GIPC3: variants seen among roughly 807,000 people sequenced by gnomAD.
GIPC3 encodes GIPC PDZ domain containing family member 3.
A neutral mutation model predicts 27.3 loss-of-function variants in GIPC3; 16 were observed. The observed-to-expected ratio is 0.59, with a 90% CI of 0.40 to 0.89. The LOEUF is 0.89. GIPC3 is among the 40% of genes least tolerant of loss of function. The pLI is 0.00. For synonymous variants in GIPC3, 194 were observed against 184.6 expected, an observed-to-expected ratio of 1.05 and a Z score of -0.41; for missense variants, 440 against 442.1, an observed-to-expected ratio of 1.00 and a Z score of 0.04.
chr19:3,587,002 G>A lies in GIPC3; in HGVS notation c.592+8G>A, dbSNP rs775534525. The A allele has an allele frequency of 1.9e-6, 3 of 1,609,942 alleles. No homozygotes were observed. The highest frequency in any genetic ancestry group is 1.7e-6 in the Non-Finnish European group (2 of 1,178,840). ...AGCCCAAGAGGGCCTTCGGTGAGGC[G>A]GGTGGGCTGGCGGGAGCTCTTCCCG... On this transcript the variant is annotated splice_region_variant and intron_variant, in intron 3 of 5. Coordinates refer to ENST00000644452, the MANE Select transcript of GIPC3 (RefSeq NM_133261.3).
Position 3,592,123 on chromosome 19 carries a change from T to A in GIPC3, c.*1933T>A, listed in dbSNP as rs562704971. The A allele has an allele frequency of 1.6e-6, 2 of 1,231,734 alleles. No homozygotes were observed. Among genetic ancestry groups the A allele is most frequent in the African/African-American group, 3.1e-5 (2 of 64,288 alleles). 76.3% of individuals were successfully genotyped at this position (1,231,734 alleles called of 1,614,324 possible). ...CAATCTAGTCCTGGGACCCAGGCCA[T>A]CGCAGCAATAGAATTAAGCTCCACA... On this transcript the variant is annotated 3_prime_UTR_variant, in exon 6 of 6. Transcript: ENST00000644452.
Position 3,590,891 on chromosome 19 carries a change from C to G in GIPC3, c.*701C>G, listed in dbSNP as rs548628476. ...CCGAGACCAAGCCCAGCTCTAGAAC[C>G]CAGATGAGCTCTGAGACCATGCCCA... On this transcript the variant is annotated 3_prime_UTR_variant, in exon 6 of 6. Coordinates refer to ENST00000644452, the MANE Select transcript of GIPC3 (RefSeq NM_133261.3). 1.6e-6 allele frequency: 2 copies of G among 1,227,814 alleles called. No individual in the cohort carries two copies. Among genetic ancestry groups the G allele is most frequent in the African/African-American group, 3.2e-5 (2 of 62,060 alleles). 76.1% of individuals were successfully genotyped at this position (1,227,814 alleles called of 1,614,324 possible).
Position 3,590,276 on chromosome 19 carries a change from G to T in GIPC3, c.*86G>T. ...GCTCCAGAACCCAGCCCAGATCGGAGGACAAGTTCCTCTCTAGAACCCAAT... is the reference window on the plus strand; with the variant it reads ...GCTCCAGAACCCAGCCCAGATCGGATGACAAGTTCCTCTCTAGAACCCAAT... On this transcript the variant is annotated 3_prime_UTR_variant, in exon 6 of 6. Transcript: ENST00000644452. 6.6e-7 allele frequency: 1 copy of T among 1,508,876 alleles called. No individual in the cohort carries two copies. The highest frequency in any genetic ancestry group is 1.3e-5 in the South Asian group (1 of 79,850). 93.5% of individuals were successfully genotyped at this position (1,508,876 alleles called of 1,614,324 possible).
Position 3,591,896 on chromosome 19 carries a change from A to G in GIPC3, c.*1706A>G, listed in dbSNP as rs1457547002. 7.3e-6 allele frequency: 9 copies of G among 1,232,176 alleles called. No individual in the cohort carries two copies. Among genetic ancestry groups the G allele is most frequent in the Non-Finnish European group, 9.1e-6 (9 of 988,230 alleles). The allele number at this position is 1,232,176 out of a possible 1,614,324, so 76.3% of individuals were successfully genotyped here. ...CTTGCACAATGCAGCTCAGCTCTAGAATGCAGTTTACTTCCAGGACCCAGA... is the reference window on the plus strand; with the variant it reads ...CTTGCACAATGCAGCTCAGCTCTAGGATGCAGTTTACTTCCAGGACCCAGA... On this transcript the variant is annotated 3_prime_UTR_variant, in exon 6 of 6. Transcript: ENST00000644452.
At position 3,591,176 on chromosome 19, in the gene GIPC3, G is replaced by T; in HGVS notation, c.*986G>T. ...GCTCTGAAACCAATCCCAGCATTGA[G>T]ACCAAGCCCTGTTCTAGAACTCAGG... is the stretch of plus-strand genomic sequence containing the variant. On this transcript the variant is annotated 3_prime_UTR_variant, in exon 6 of 6. Coordinates refer to ENST00000644452, the MANE Select transcript of GIPC3 (RefSeq NM_133261.3). 8.1e-7 allele frequency: 1 copy of T among 1,232,956 alleles called. No homozygotes were observed. Among genetic ancestry groups the T allele is most frequent in the Non-Finnish European group, 1.0e-6 (1 of 988,752 alleles). The allele number at this position is 1,232,956 out of a possible 1,614,324, so 76.4% of individuals were successfully genotyped here.
At chr19:3,586,052 C>T (rs1267336801) in intron 1 of GIPC3, among the ~76,000 whole-genome samples, 1 of 152,182 alleles carries the variant, frequency 6.6e-6, no homozygotes, top group Non-Finnish European at 1.5e-5. Context: ...CTAGCGGACC[C>T]CTAGATATTC....
Position 3,585,662 on chromosome 19 carries a change from C to G in GIPC3, c.65C>G (p.Pro22Arg), listed in dbSNP as rs1379768941. The G allele has an allele frequency of 8.0e-7, 1 of 1,244,106 alleles. No individual in the cohort carries two copies. The highest frequency in any genetic ancestry group is 1.0e-6 in the Non-Finnish European group (1 of 996,454). 77.1% of individuals were successfully genotyped at this position (1,244,106 alleles called of 1,614,324 possible). Residue 22 changes from proline to arginine, a missense_variant, in exon 1 of 6, where the codon CCC (proline) becomes CGC (arginine). Transcript: ENST00000644452. ...ACCCCGCGCGCGTCTGCGCCCCCGC[C>G]CGCGCCCTCGGAGCCCCCGGCCGCG... is the stretch of plus-strand genomic sequence containing the variant. ...TETPRASAPP[P>R]APSEPPAAPR... is the part of the protein sequence containing the mutation.
chr19:3,585,521 G>C lies in GIPC3; in HGVS notation c.-77G>C, dbSNP rs34722692. Reference sequence around the variant, plus strand: ...TCTCGGCTGTCGCGCCCTGGGCCGGGGGAGGGGAGGCTGCAGGAAGCGGCG... The same window carrying C: ...TCTCGGCTGTCGCGCCCTGGGCCGGCGGAGGGGAGGCTGCAGGAAGCGGCG... On this transcript the variant is annotated 5_prime_UTR_variant, in exon 1 of 6. Coordinates refer to ENST00000644452, the MANE Select transcript of GIPC3 (RefSeq NM_133261.3). The C allele has an allele frequency of 1.1e-5, 12 of 1,070,510 alleles. No individual in the cohort carries two copies. Among genetic ancestry groups the C allele is most frequent in the African/African-American group, 1.7e-5 (1 of 59,016 alleles). The allele number at this position is 1,070,510 out of a possible 1,614,324, so 66.3% of individuals were successfully genotyped here. A position where few individuals can be genotyped will look rare whatever the true frequency, so the allele number is the denominator to read the frequency against.
chr19:3,592,907 T>C lies in GIPC3; in HGVS notation c.*2717T>C. 8.9e-6 allele frequency: 11 copies of C among 1,231,794 alleles called. No individual in the cohort carries two copies. The highest frequency in any genetic ancestry group is 1.1e-5 in the Non-Finnish European group (11 of 987,960). The allele number at this position is 1,231,794 out of a possible 1,614,324, so 76.3% of individuals were successfully genotyped here. ...ACCCTAGAATCCAGCTTGAGGCCCC[T>C]GCCCCAGCCCAACCTCAGCCCCCAG... On this transcript the variant is annotated 3_prime_UTR_variant, in exon 6 of 6. Transcript: ENST00000644452.
At chr19:3,588,559 C>T (rs531569611) in intron 3 of GIPC3, among the ~76,000 whole-genome samples, 37 of 146,952 alleles carry the variant, frequency 2.5e-4, no homozygotes, top group Admixed American at 1.2e-3. Flanking sequence ...TTAGGCCGGG[C>T]GTGGTGGCTC....
rs2032518064 is a variant in GIPC3, at chr19:3,593,080, TCTC to T, written c.*2894_*2896del. ...TCCTACCTGGCCCCACAGTCACAGG[TCTC>T]CTCAACCCCCCAGAAGCCAGCCGTC... On this transcript the variant is annotated 3_prime_UTR_variant, in exon 6 of 6. Transcript: ENST00000644452. The T allele has an allele frequency of 8.1e-7, 1 of 1,232,130 alleles. No individual in the cohort carries two copies. The highest frequency in any genetic ancestry group is 1.6e-5 in the African/African-American group (1 of 64,178). The allele number at this position is 1,232,130 out of a possible 1,614,324, so 76.3% of individuals were successfully genotyped here.
In GIPC3 at chr19:3,591,667, A is replaced by G. The variant is rs1316688552; in HGVS notation, c.*1477A>G. ...GCTGCCCAGTCCAGATCCCAACCCC[A>G]GTTGCATCCAAGTGCCCATCCCCAT... On this transcript the variant is annotated 3_prime_UTR_variant, in exon 6 of 6. Coordinates refer to ENST00000644452, the MANE Select transcript of GIPC3 (RefSeq NM_133261.3). 3 of 1,234,162 alleles carry G rather than the reference A, an allele frequency of 2.4e-6. No individual in the cohort carries two copies. Among genetic ancestry groups the G allele is most frequent in the African/African-American group, 3.1e-5 (2 of 64,422 alleles). The allele number at this position is 1,234,162 out of a possible 1,614,324, so 76.5% of individuals were successfully genotyped here. A position where few individuals can be genotyped will look rare whatever the true frequency, so the allele number is the denominator to read the frequency against.
intron 5 of GIPC3, 36 bp downstream of exon 5, chr19:3,589,948 G>T (rs1191063763): frequency 5.6e-6 from 9 of 1,613,426 alleles, no homozygotes; most frequent in African/African-American, 1.3e-5. Context: ...GCCCTGGGGG[G>T]AGGGAAGCCT....
chr19:3,587,270 TTTTG>T (rs112236623), intron 3 of GIPC3, among the ~76,000 whole-genome samples: 26 of 151,082 alleles, frequency 1.7e-4, no homozygotes, highest in South Asian at 4.2e-4. Flanking sequence ...GGAGACTTGT[TTTTG>T]TTTGTTTGTT....
intron 3 of GIPC3, 105 bp from the exon 4 acceptor site, chr19:3,589,338 A>G (rs2032436636): frequency 2.4e-6 from 2 of 818,118 alleles, no homozygotes; most frequent in Admixed American, 1.8e-5. Flanking sequence ...GAGGACTTTG[A>G]AGGGGAGGAA....
chr19:3,586,994 G>A lies in GIPC3; in HGVS notation c.592G>A (p.Asp198Asn), dbSNP rs1320335674. 1.2e-6 allele frequency: 2 copies of A among 1,611,334 alleles called. No homozygotes were observed. Among genetic ancestry groups the A allele is most frequent in the Non-Finnish European group, 1.7e-6 (2 of 1,179,298 alleles). ...LRLVQPKRAF[D>N]MIGQRSRSSK... ...CCTGGTGCAGCCCAAGAGGGCCTTC[G>A]GTGAGGCGGGTGGGCTGGCGGGAGC... The change falls in exon 3 of 6, where the codon GAT becomes AAT. Residue 198 changes from aspartate to asparagine, a missense_variant and splice_region_variant. By Grantham distance (23) the Asp-to-Asn change is conservative. Coordinates refer to ENST00000644452, the MANE Select transcript of GIPC3 (RefSeq NM_133261.3).
Position 3,586,827 on chromosome 19 carries a change from G to T in GIPC3, c.425G>T (p.Gly142Val). 1 of 1,613,674 alleles carries T rather than the reference G, an allele frequency of 6.2e-7. No individual in the cohort carries two copies. The highest frequency in any genetic ancestry group is 8.5e-7 in the Non-Finnish European group (1 of 1,179,996). Reference sequence around the variant, plus strand: ...GGATCCCTGCAGAGAATCAAGGAAGGCAGTATCATCAACCGGATCGAGGCA... The same window carrying T: ...GGATCCCTGCAGAGAATCAAGGAAGTCAGTATCATCAACCGGATCGAGGCA... Reference protein sequence around the residue: ...GYAFIKRIKEGSIINRIEAVC... With the variant: ...GYAFIKRIKEVSIINRIEAVC... Residue 142 changes from glycine to valine, a missense_variant, in exon 3 of 6, where the codon GGC becomes GTC. Coordinates refer to ENST00000644452, the MANE Select transcript of GIPC3 (RefSeq NM_133261.3).
Position 3,591,343 on chromosome 19 carries a change from A to C in GIPC3, c.*1153A>C. On this transcript the variant is annotated 3_prime_UTR_variant, in exon 6 of 6. Coordinates refer to ENST00000644452, the MANE Select transcript of GIPC3 (RefSeq NM_133261.3). ...GACAACAAGCCAAACTCTGGAACCCAGACACATTTTAAGACCCAGACCAGC... is the reference window on the plus strand; with the variant it reads ...GACAACAAGCCAAACTCTGGAACCCCGACACATTTTAAGACCCAGACCAGC... The C allele has an allele frequency of 8.1e-7, 1 of 1,232,436 alleles. No homozygotes were observed. Among genetic ancestry groups the C allele is most frequent in the Non-Finnish European group, 1.0e-6 (1 of 988,260 alleles). 76.3% of individuals were successfully genotyped at this position (1,232,436 alleles called of 1,614,324 possible). A position where few individuals can be genotyped will look rare whatever the true frequency, so the allele number is the denominator to read the frequency against.
At chr19:3,589,636 T>G in intron 4 of GIPC3, 81 bp downstream of exon 4, 1 of 1,291,380 alleles carries the variant, frequency 7.7e-7, no homozygotes. Flanking sequence ...GGGTAAGAAC[T>G]TCTCCTCGGA....
Sources: allele counts gnomAD v4.1 joint callset (sites outside exome capture counted in the v4.1 genomes callset), GRCh38; gene constraint gnomAD v4.1.1; transcripts MANE v1.5; gene names NCBI Gene and HGNC (gene_info 2026-07-23, HGNC 2026-07-21).